Variants in ZNF823 observed in about 807,000 individuals in gnomAD.
ZNF823 encodes the protein zinc finger protein 823, also known as ZFP 36 for a zinc finger protein.
A neutral mutation model predicts 11.4 loss-of-function variants in ZNF823; 5 were observed. That is an observed-to-expected ratio of 0.44 (90% CI 0.23 to 0.92). The LOEUF (loss-of-function observed/expected upper bound fraction) is 0.92. Among genes scored for constraint, ZNF823 ranks in the 40% least tolerant of loss-of-function variants. ZNF823 has a pLI of 0.24. For missense variants in ZNF823, 582 were observed against 738.5 expected, an observed-to-expected ratio of 0.79 and a Z score of 2.46; for synonymous variants, 234 against 250.5, an observed-to-expected ratio of 0.93 and a Z score of 0.62.
At position 11,722,403 on chromosome 19, in the gene ZNF823, A is replaced by G. The variant is rs1440405833; in HGVS notation, c.1131T>C (p.Ser377=). Residue 377 remains serine (S), a synonymous_variant, in exon 4 of 4, where the codon AGT becomes AGC. Coordinates refer to ENST00000341191, the MANE Select transcript of ZNF823 (RefSeq NM_001080493.4). The surrounding 1 kb of genome is among the most constrained non-coding windows in gnomAD (Gnocchi z 5.2). ...KVLSHSSSFR[S]HMITHTGDGP... ...CATCTCCTGTGTGTGTTATCATGTG[A>G]CTTCGAAAGCTCGAGCTATGAGATA... 2.5e-6 allele frequency: 4 copies of G among 1,612,200 alleles called. No homozygotes were observed. The highest frequency in any genetic ancestry group is 3.4e-6 in the Non-Finnish European group (4 of 1,179,518).
intron 1 of ZNF823, among the ~76,000 whole-genome samples, chr19:11,732,005 G>A (rs1157202478): frequency 4.9e-5 from 5 of 101,182 alleles, no homozygotes; most frequent in East Asian, 2.8e-4. Context: ...GTGAAACTCC[G>A]TCTCAAAAAA....
chr19:11,727,954 G>A (rs1394172732), intron 1 of ZNF823, among the ~76,000 whole-genome samples: 1 of 71,554 alleles, frequency 1.4e-5, no homozygotes, highest in Non-Finnish European at 2.6e-5. Flanking sequence ...GTGTCTCGCT[G>A]CAAGCTCCGC....
At chr19:11,726,287 C>CATATACACATATATATATATATAT (rs1555766612) in intron 1 of ZNF823, among the ~76,000 whole-genome samples, 1 of 112,244 alleles carries the variant, frequency 8.9e-6, no homozygotes, top group Non-Finnish European at 2.0e-5. Flanking sequence ...ATAAAAAATA[C>CATATACACATATATATATATATAT]ATATATATAT....
chr19:11,737,824 G>A (rs76097917), intron 1 of ZNF823, among the ~76,000 whole-genome samples: 2,068 of 152,274 alleles, frequency 0.014, 54 homozygotes, highest in East Asian at 0.1. Context: ...CCAGCCCTAG[G>A]AGGAGTTAGG....
At chr19:11,732,161 A>T (rs966514135) in intron 1 of ZNF823, among the ~76,000 whole-genome samples, 1 of 131,964 alleles carries the variant, frequency 7.6e-6, no homozygotes, top group Admixed American at 7.7e-5. Flanking sequence ...GGATGGTTAA[A>T]GGTTTCCCTT....
chr19:11,734,530 C>T (rs1599709614), intron 1 of ZNF823, among the ~76,000 whole-genome samples: 1 of 152,104 alleles, frequency 6.6e-6, no homozygotes, highest in Non-Finnish European at 1.5e-5. Flanking sequence ...TGAGCCAGCA[C>T]ACAATTCCTC....
At chr19:11,725,086 G>A in intron 2 of ZNF823, 115 bp downstream of exon 2, 1 of 1,365,898 alleles carries the variant, frequency 7.3e-7, no homozygotes, top group Non-Finnish European at 1.0e-6. Context: ...TCTAAACCCT[G>A]TGTTGTTCAA....
At chr19:11,729,255 A>C (rs569192115) in intron 1 of ZNF823, among the ~76,000 whole-genome samples, 30 of 152,288 alleles carry the variant, frequency 2.0e-4, no homozygotes, top group Non-Finnish European at 3.7e-4. Context: ...ATGCAAATAC[A>C]TTAAATATAA....
intron 3 of ZNF823, 45 bp downstream of exon 3, chr19:11,724,149 T>C (rs748102850): frequency 6.7e-7 from 1 of 1,489,826 alleles, no homozygotes; most frequent in South Asian, 1.3e-5. Flanking sequence ...TATCATTCTA[T>C]GAACCACTGC....
At chr19:11,736,512 C>T (rs904663014) in intron 1 of ZNF823, among the ~76,000 whole-genome samples, 2 of 151,916 alleles carry the variant, frequency 1.3e-5, no homozygotes, top group Admixed American at 6.6e-5. Context: ...GAGCGAGACT[C>T]CGTCTCAAAA....
At chr19:11,724,097 G>T in intron 3 of ZNF823, 97 bp downstream of exon 3, 2 of 975,630 alleles carry the variant, frequency 2.0e-6, no homozygotes, top group Non-Finnish European at 3.0e-6. Context: ...ATAAATTTAA[G>T]CTGGGCTTGT....
chr19:11,731,641 T>A (rs1157241727), intron 1 of ZNF823, among the ~76,000 whole-genome samples: 1 of 152,146 alleles, frequency 6.6e-6, no homozygotes, highest in Non-Finnish European at 1.5e-5. Context: ...CCACTGCAGA[T>A]GTCATTTGTA....
chr19:11,732,169 C>CTT (rs1170787951), intron 1 of ZNF823, among the ~76,000 whole-genome samples: 2 of 135,580 alleles, frequency 1.5e-5, no homozygotes, highest in Non-Finnish European at 1.6e-5. Flanking sequence ...AAAGGTTTCC[C>CTT]TTTTTTTTTT....
chr19:11,729,591 T>C (rs1974856511), intron 1 of ZNF823, among the ~76,000 whole-genome samples: 1 of 152,216 alleles, frequency 6.6e-6, no homozygotes. Context: ...TAGTTTCTGT[T>C]ATTTCTTGCA....
chr19:11,727,346 T>A (rs1032445136), intron 1 of ZNF823, among the ~76,000 whole-genome samples: 10 of 151,702 alleles, frequency 6.6e-5, no homozygotes, highest in African/African-American at 1.9e-4. Context: ...CCGTCTCTAC[T>A]AAAAATACAA....
In ZNF823 at chr19:11,722,082, T is replaced by G. The variant is rs1270911381; in HGVS notation, c.1452A>C (p.Lys484Asn). Residue 484 changes from lysine (K) to asparagine (N), a missense_variant, in exon 4 of 4, where the codon AAA (lysine) becomes AAC (asparagine). Lys to Asn is a moderately conservative substitution (Grantham distance 94). This residue lies in a region of ZNF823 where 144 missense variants were observed against 154.3 expected (regional missense o/e 0.93). Transcript: ENST00000341191. This position sits in a 1 kb window ranked among gnomAD's most constrained non-coding sequence, Gnocchi z 5.2. Reference sequence around the variant, plus strand: ...GGGTCCTTTTATGTTGAGAAAGGTATTTGAAACAACTGAATGCTTTCCCAC... The same window carrying G: ...GGGTCCTTTTATGTTGAGAAAGGTAGTTGAAACAACTGAATGCTTTCCCAC... ...KECGKAFSCF[K>N]YLSQHKRTHT... is the part of the protein sequence containing the mutation. The G allele has an allele frequency of 6.2e-7, 1 of 1,610,256 alleles. No homozygotes were observed. Among genetic ancestry groups the G allele is most frequent in the Non-Finnish European group, 8.5e-7 (1 of 1,179,024 alleles).
chr19:11,729,921 G>T (rs910533932), intron 1 of ZNF823, among the ~76,000 whole-genome samples: 5 of 142,834 alleles, frequency 3.5e-5, no homozygotes, highest in Non-Finnish European at 7.6e-5. Context: ...CCTGAGTAAA[G>T]AATCTTTTTT....
Position 11,722,124 on chromosome 19 carries a change from T to C in ZNF823, c.1410A>G (p.Pro470=), listed in dbSNP as rs866272503. ...NHETTHTGEK[P]YECKECGKAF... is the part of the protein sequence containing the mutation. Reference sequence around the variant, plus strand: ...CTTTCCCACATTCCTTACACTCATATGGCTTCTCTCCAGTGTGAGTTGTCT... The same window carrying C: ...CTTTCCCACATTCCTTACACTCATACGGCTTCTCTCCAGTGTGAGTTGTCT... Residue 470 remains proline, a synonymous_variant, in exon 4 of 4, where the codon CCA becomes CCG. Transcript: ENST00000341191. This position sits in a 1 kb window ranked among gnomAD's most constrained non-coding sequence, Gnocchi z 5.2. 17 of 1,613,386 alleles carry C rather than the reference T, an allele frequency of 1.1e-5. No individual in the cohort carries two copies. In the East Asian group the frequency reaches 3.1e-4, roughly 30 times the overall value.
At chr19:11,735,237 T>A (rs1974971166) in intron 1 of ZNF823, among the ~76,000 whole-genome samples, 1 of 140,090 alleles carries the variant, frequency 7.1e-6, no homozygotes, top group Admixed American at 7.6e-5. Flanking sequence ...ATCACGCCAC[T>A]GCACTCCAGC....
Sources: gnomAD v4.1 joint callset for allele counts (sites outside exome capture counted in the v4.1 genomes callset) on GRCh38, gnomAD v4.1.1 for gene constraint, gnomAD v4.1.1 regional missense constraint, Gnocchi (gnomAD v3.1) non-coding constraint, MANE v1.5 for transcripts, NCBI Gene and HGNC (gene_info 2026-07-23, HGNC 2026-07-21) for gene names.